ABR: variants seen among roughly 807,000 people sequenced by gnomAD.
ABR encodes active breakpoint cluster region-related protein.
Under a neutral mutation model 107.2 loss-of-function variants are expected in ABR, and 35 were observed. The ratio of observed to expected loss-of-function variants is 0.33; its 90% confidence interval spans 0.25 to 0.43. The LOEUF is 0.43. Ranked by LOEUF, ABR falls within the 20% of genes least tolerant of loss-of-function variation. The pLI, the probability that ABR is intolerant of heterozygous loss-of-function variation, is 1.00. For synonymous variants in ABR, 498 were observed against 462.0 expected (o/e 1.08, Z -1.00); for missense variants, 815 against 1,115.2 (o/e 0.73, Z 3.83).
chr17:1,097,894 T>G (rs1199428231), intron 3 of ABR, among the ~76,000 whole-genome samples: 1 of 152,204 alleles, frequency 6.6e-6, no homozygotes, highest in African/African-American at 2.4e-5. Flanking sequence ...TCCTCCTTTC[T>G]TCCACTAACA....
chr17:1,152,213 C>G (rs2040824645), intron 1 of ABR, among the ~76,000 whole-genome samples: 1 of 151,450 alleles, frequency 6.6e-6, no homozygotes, highest in African/African-American at 2.4e-5. Flanking sequence ...TGGCGTGAAC[C>G]TAGAGCTTGC....
chr17:1,212,061 G>A (rs999934346), intron 1 of ABR, among the ~76,000 whole-genome samples: 1 of 143,780 alleles, frequency 7.0e-6, no homozygotes, highest in Non-Finnish European at 1.5e-5. Flanking sequence ...TAGCCTAGGC[G>A]ACAAGAGCAA....
chr17:1,089,411 G>A (rs767898177), intron 4 of ABR, among the ~76,000 whole-genome samples: 9 of 152,254 alleles, frequency 5.9e-5, no homozygotes, highest in Non-Finnish European at 1.2e-4. Flanking sequence ...TTTTACAGAT[G>A]AGGAAGCTGA....
At chr17:1,184,219 G>A (rs1478685971), upstream of ABR, among the ~76,000 whole-genome samples, 3 of 151,642 alleles carry the variant, frequency 2.0e-5, no homozygotes, top group Non-Finnish European at 2.9e-5. Flanking sequence ...ACTCTGGGAG[G>A]CCGAGGTGGG....
At chr17:1,118,337 C>T (rs71358536) in intron 2 of ABR, among the ~76,000 whole-genome samples, 4 of 36,464 alleles carry the variant, frequency 1.1e-4, no homozygotes, top group African/African-American at 1.3e-4. Context: ...AGCCTGAGTC[C>T]TCCCAGCATT....
intron 16 of ABR, among the ~76,000 whole-genome samples, chr17:1,048,794 C>T (rs369682556): frequency 4.6e-5 from 7 of 151,726 alleles, no homozygotes; most frequent in African/African-American, 1.2e-4. Context: ...TCCGGGGCCA[C>T]GGTCAAGAAG....
chr17:1,147,277 C>A (rs893743323), intron 1 of ABR, among the ~76,000 whole-genome samples: 8 of 152,288 alleles, frequency 5.3e-5, no homozygotes, highest in African/African-American at 1.9e-4. Context: ...CAGAGCCCCC[C>A]GTCTACCAGG....
chr17:1,054,087 A>T (rs1298552286), intron 14 of ABR, among the ~76,000 whole-genome samples: 1 of 151,996 alleles, frequency 6.6e-6, no homozygotes, highest in Non-Finnish European at 1.5e-5. Context: ...CTACTGTGTG[A>T]CTCCAGGAAG....
intron 16 of ABR, among the ~76,000 whole-genome samples, chr17:1,046,770 G>A (rs1350016535): frequency 6.6e-6 from 1 of 152,174 alleles, no homozygotes; most frequent in Non-Finnish European, 1.5e-5. Context: ...CATACCATAC[G>A]CAGAGATGCC....
At position 1,010,923 on chromosome 17, in the gene ABR, C is replaced by G; in HGVS notation, c.2102-60G>C. The stretch of plus-strand genomic sequence containing the variant: ...CTGGGCCAGCAGCCCCGTTCCACCC[C>G]CGACCCATCCTGACACAGCCCCCAC... On this transcript the variant is annotated intron_variant, in intron 19 of 22. Transcript: ENST00000302538. The surrounding 1 kb of genome is among the most constrained non-coding windows in gnomAD (Gnocchi z 4.1). 1 of 1,600,198 alleles carries G rather than the reference C, an allele frequency of 6.2e-7. No individual in the cohort carries two copies. Among genetic ancestry groups the G allele is most frequent in the East Asian group, 2.2e-5 (1 of 44,824 alleles).
Position 1,158,907 on chromosome 17 carries a change from T to C in ABR, c.61+20760A>G, listed in dbSNP as rs556098418. On this transcript the variant is annotated intron_variant, in intron 1 of 22. Transcript: ENST00000302538. ...CTCCCAGTGCAGCCAAAGCCACCGTTGTAACCACAGCCTAGGATTACCCAG... is the reference window on the plus strand; with the variant it reads ...CTCCCAGTGCAGCCAAAGCCACCGTCGTAACCACAGCCTAGGATTACCCAG... Among the ~76,000 whole-genome samples, 6 of 152,308 alleles carry C rather than the reference T, an allele frequency of 3.9e-5. No individual in the cohort carries two copies. In the South Asian group the frequency reaches 1.2e-3, roughly 32 times the overall value.
upstream of ABR, chr17:1,181,750 G>A (rs1054362857): frequency 1.3e-5 from 2 of 152,240 alleles, no homozygotes; most frequent in African/African-American, 2.4e-5. Context: ...CCAGGGGAAA[G>A]GTGGAAACGG....
chr17:1,089,451 G>T (rs1217086302), intron 4 of ABR, among the ~76,000 whole-genome samples: 1 of 152,234 alleles, frequency 6.6e-6, no homozygotes, highest in Non-Finnish European at 1.5e-5. Flanking sequence ...TTGCCCAGTT[G>T]CAGGTTTAAT....
At chr17:1,028,256 ATT>A (rs564733650) in intron 16 of ABR, among the ~76,000 whole-genome samples, 1 of 141,154 alleles carries the variant, frequency 7.1e-6, no homozygotes. Flanking sequence ...ATGCCCGGCT[ATT>A]TTTTTTTTTT....
chr17:1,016,464 C>A (rs1056886480), intron 16 of ABR, among the ~76,000 whole-genome samples: 5 of 151,882 alleles, frequency 3.3e-5, no homozygotes, highest in Non-Finnish European at 7.4e-5. Flanking sequence ...TTACAGGTGC[C>A]TGCCACCACG....
intron 22 of ABR, 44 bp from the exon 23 acceptor site, chr17:1,006,213 G>T (rs1246815712): frequency 6.7e-7 from 1 of 1,486,904 alleles, no homozygotes; most frequent in Admixed American, 2.0e-5. Context: ...CCTGTCCTAG[G>T]CCTCGTCCTT....
At chr17:1,229,675 G>A (rs1307539350) in exon 1 of ABR, among the ~76,000 whole-genome samples, 1 of 152,010 alleles carries the variant, frequency 6.6e-6, no homozygotes, top group African/African-American at 2.4e-5. Context: ...GGCCCCCGAA[G>A]AGACCAGAGG....
chr17:1,198,602 G>A (rs371650345), intron 1 of ABR, among the ~76,000 whole-genome samples: 25 of 151,084 alleles, frequency 1.7e-4, no homozygotes, highest in Non-Finnish European at 2.4e-4. Flanking sequence ...TTAACCAGGC[G>A]TGGCGGTGTA....
chr17:1,178,564 CA>C (rs11301468), intron 1 of ABR, among the ~76,000 whole-genome samples: 67,573 of 121,618 alleles, frequency 0.56, 15,946 homozygotes, highest in Non-Finnish European at 0.59. Flanking sequence ...GACTCCGTCT[CA>C]AAAAAAAAAA....
Sources: gnomAD v4.1 joint callset for allele counts (sites outside exome capture counted in the v4.1 genomes callset) on GRCh38, gnomAD v4.1.1 for gene constraint, Gnocchi (gnomAD v3.1) non-coding constraint, MANE v1.5 for transcripts, NCBI Gene and HGNC (gene_info 2026-07-23, HGNC 2026-07-21) for gene names.